Variants in AOPEP observed in about 807,000 individuals in gnomAD.
The protein encoded by AOPEP is aminopeptidase O.
In AOPEP, 77 loss-of-function variants were observed where a neutral mutation model predicts 98.1. That is an observed-to-expected ratio of 0.78 (90% CI 0.65 to 0.95). AOPEP has a LOEUF of 0.95. AOPEP is among the 40% of genes least tolerant of loss of function. The pLI, the probability that AOPEP is intolerant of heterozygous loss-of-function variation, is 0.00. For synonymous variants in AOPEP, 346 were observed against 365.3 expected, an observed-to-expected ratio of 0.95 and a Z score of 0.60; for missense variants, 1,024 against 1,024.7, an observed-to-expected ratio of 1.00 and a Z score of 0.01.
intron 7 of AOPEP, among the ~76,000 whole-genome samples, chr9:94,942,033 A>G (rs2057065371): frequency 6.6e-6 from 1 of 152,242 alleles, no homozygotes. Flanking sequence ...TTTTGTAAGT[A>G]TACATGCATA....
Position 94,895,136 on chromosome 9 carries a change from G to A in AOPEP, c.1365-28850G>A, listed in dbSNP as rs1165702721. On this transcript the variant is annotated intron_variant, in intron 5 of 16. Transcript: ENST00000375315. ...CACATGTAATCCCAGCACATTGGAA[G>A]GCCGAGGCAGGAGGATTGCTTGAGT... Among the ~76,000 whole-genome samples the A allele has an allele frequency of 2.0e-5, 3 of 151,824 alleles. No homozygotes were observed. The South Asian group carries it at 6.2e-4, about 31-fold the overall frequency.
intron 5 of AOPEP, among the ~76,000 whole-genome samples, chr9:94,821,363 A>G (rs1011559181): frequency 4.6e-4 from 70 of 152,282 alleles, no homozygotes; most frequent in African/African-American, 1.5e-3. Context: ...GGGAAATCAT[A>G]TTTTACCACA....
At chr9:94,981,619 C>T (rs72750354) in intron 11 of AOPEP, among the ~76,000 whole-genome samples, 7,089 of 152,164 alleles carry the variant, frequency 0.047, 458 homozygotes, top group African/African-American at 0.14. Context: ...AGTTCCTTGC[C>T]GTTTCCACTT....
chr9:94,765,469 T>TAATAATAATAAC (rs1839377946), intron 2 of AOPEP, among the ~76,000 whole-genome samples: 1 of 146,982 alleles, frequency 6.8e-6, no homozygotes, highest in Admixed American at 6.8e-5. Flanking sequence ...ATAATAATAA[T>TAATAATAATAAC]AATAATAATA....
the AOPEP span, chr9:95,111,532 C>A: frequency 4.3e-6 from 7 of 1,614,004 alleles, no homozygotes; most frequent in South Asian, 7.7e-5. Flanking sequence ...ACAGCAGGGC[C>A]GTGGGGGGTT....
intron 7 of AOPEP, chr9:94,935,180 G>A (rs187792287): frequency 3.9e-5 from 6 of 152,140 alleles, no homozygotes; most frequent in African/African-American, 1.4e-4. Flanking sequence ...AAAGTGTGTG[G>A]CACCTTCCTC....
intron 5 of AOPEP, among the ~76,000 whole-genome samples, chr9:94,810,721 T>G (rs1170328248): frequency 6.6e-6 from 1 of 152,234 alleles, no homozygotes; most frequent in African/African-American, 2.4e-5. Context: ...AGTTAGATCA[T>G]GAGGCTTGGA....
At chr9:94,813,612 C>A (rs981790717) in intron 5 of AOPEP, among the ~76,000 whole-genome samples, 1 of 152,234 alleles carries the variant, frequency 6.6e-6, no homozygotes, top group Admixed American at 6.5e-5. Flanking sequence ...CCAGGAAGGG[C>A]AAGCTGTGCT....
At chr9:94,760,749 T>C in intron 2 of AOPEP, 169 bp downstream of exon 2, 1 of 513,880 alleles carries the variant, frequency 1.9e-6, no homozygotes, top group Non-Finnish European at 3.3e-6. Context: ...TTCCCAGGCA[T>C]GCTAAACCCT....
At chr9:95,083,577 A>C (rs921026860) in intron 16 of AOPEP, among the ~76,000 whole-genome samples, 5 of 131,304 alleles carry the variant, frequency 3.8e-5, no homozygotes, top group East Asian at 4.8e-4. Flanking sequence ...GCGCATGCAC[A>C]ACACAGAGCA....
At position 95,086,756 on chromosome 9, in the gene AOPEP, C is replaced by A. The variant is rs1244643892; in HGVS notation, c.*79C>A. On this transcript the variant is annotated 3_prime_UTR_variant, in exon 17 of 17. Transcript: ENST00000375315. ...CCAGGCTCGAACTGACCCTGGACAT[C>A]AAAGGAGGGATTATGTGGCTGCTAA... 2 of 987,974 alleles carry A rather than the reference C, an allele frequency of 2.0e-6. No homozygotes were observed. Among genetic ancestry groups the A allele is most frequent in the Non-Finnish European group, 2.4e-6 (2 of 830,214 alleles). The allele number at this position is 987,974 out of a possible 1,614,324, so 61.2% of individuals were successfully genotyped here. A position where few individuals can be genotyped will look rare whatever the true frequency, so the allele number is the denominator to read the frequency against.
intron 7 of AOPEP, chr9:94,935,320 AC>A (rs1203175285): frequency 1.3e-5 from 2 of 152,374 alleles, no homozygotes; most frequent in East Asian, 3.9e-4. Flanking sequence ...AACCTGCAGA[AC>A]CGTGAGCCAA....
intron 2 of AOPEP, among the ~76,000 whole-genome samples, chr9:94,761,700 G>C (rs1472172614): frequency 6.6e-6 from 1 of 152,152 alleles, no homozygotes; most frequent in Non-Finnish European, 1.5e-5. Context: ...TGCTCAGAAT[G>C]AGTTCACTTC....
chr9:94,774,291 G>A (rs1483696459), intron 3 of AOPEP, among the ~76,000 whole-genome samples: 2 of 114,654 alleles, frequency 1.7e-5, no homozygotes, highest in African/African-American at 7.0e-5. Context: ...CAGCCTGGGC[G>A]ACAGAGTGAG....
In AOPEP at chr9:95,011,194, A is replaced by C. The variant is rs185326944; in HGVS notation, c.2115+5578A>C. 2.9e-4 allele frequency among the ~76,000 whole-genome samples: 43 copies of C among 147,302 alleles called. No individual in the cohort carries two copies. In the East Asian group the frequency reaches 8.7e-3, roughly 30 times the overall value. On this transcript the variant is annotated intron_variant, in intron 13 of 16. Transcript: ENST00000375315. ...TTGTATAGATTTACTTATTTTTCCT[A>C]ATTTCCCTAGCCATTGATTTTTTTT...
chr9:95,077,353 C>A (rs914428138), intron 14 of AOPEP, among the ~76,000 whole-genome samples: 1 of 152,226 alleles, frequency 6.6e-6, no homozygotes, highest in Non-Finnish European at 1.5e-5. Context: ...CCTTCCTAAT[C>A]GTGCAGAGAA....
rs1236414382 is a variant in AOPEP at position 94,928,427 on chromosome 9, G to T, written c.1557G>T (p.Leu519=). The T allele has an allele frequency of 7.1e-6, 11 of 1,546,466 alleles. No homozygotes were observed. Among genetic ancestry groups the T allele is most frequent in the Non-Finnish European group, 9.6e-6 (11 of 1,146,362 alleles). Residue 519 remains leucine (L), a splice_region_variant and synonymous_variant, in exon 7 of 17, where the codon CTG becomes CTT. Coordinates refer to ENST00000375315, the MANE Select transcript of AOPEP (RefSeq NM_001193329.3). ...TCTGTGTGTCTGTGGCTGAGCAGCT[G>T]GCCCCCTATGAGGCCCGGGAGCAGC... The part of the protein sequence containing the change: ...EDVFWATAQQ[L]APYEAREQQE...
chr9:95,034,600 A>C (rs2064613070), intron 13 of AOPEP, among the ~76,000 whole-genome samples: 1 of 152,244 alleles, frequency 6.6e-6, no homozygotes, highest in Non-Finnish European at 1.5e-5. Context: ...CCCTTGAATC[A>C]CACACAGTGG....
chr9:94,893,754 A>T (rs1436042430), intron 5 of AOPEP, among the ~76,000 whole-genome samples: 3 of 152,206 alleles, frequency 2.0e-5, no homozygotes, highest in African/African-American at 7.2e-5. Flanking sequence ...GAAAATGAAC[A>T]AGACAGGTCT....
Sources: gnomAD v4.1 joint callset for allele counts (sites outside exome capture counted in the v4.1 genomes callset) on GRCh38, gnomAD v4.1.1 for gene constraint, MANE v1.5 for transcripts, NCBI Gene and HGNC (gene_info 2026-07-23, HGNC 2026-07-21) for gene names.